The following SHROOM3 variants were observed in gnomAD, a reference collection of about 807,000 sequenced individuals.
SHROOM3 encodes the protein shroom family member 3.
Under a neutral mutation model 138.6 loss-of-function variants are expected in SHROOM3, and 47 were observed. The ratio of observed to expected loss-of-function variants is 0.34; its 90% CI spans 0.27 to 0.43. The LOEUF is 0.43. Among genes scored for constraint, SHROOM3 ranks in the 20% least tolerant of loss-of-function variants. The pLI is 1.00. For missense variants in SHROOM3, 2,491 were observed against 2,596.5 expected (o/e 0.96, Z 0.88); for synonymous variants, 1,062 against 1,063.3 (o/e 1.00, Z 0.02).
At chr4:76,688,252 T>A (rs1466984647) in intron 2 of SHROOM3, 1 of 305,216 alleles carries the variant, frequency 3.3e-6, no homozygotes, top group Non-Finnish European at 4.8e-6. Context: ...AGGAGGATAA[T>A]ACTTTATGGC....
At chr4:76,586,561 G>C in intron 2 of SHROOM3, 9 of 855,346 alleles carry the variant, frequency 1.1e-5, no homozygotes, top group Non-Finnish European at 1.3e-5. Flanking sequence ...AAACTAAAGA[G>C]AGGTAGGGAA....
At chr4:76,551,277 T>C (rs1228017761) in intron 1 of SHROOM3, among the ~76,000 whole-genome samples, 2 of 152,210 alleles carry the variant, frequency 1.3e-5, no homozygotes, top group African/African-American at 4.8e-5. Context: ...AAACTCTTTA[T>C]GACAGTCTTC....
Position 76,555,760 on chromosome 4 carries a change from G to C in SHROOM3, c.320G>C (p.Arg107Pro). 1 of 1,612,326 alleles carries C rather than the reference G, an allele frequency of 6.2e-7. No homozygotes were observed. ...GSYKTLRLVV[R>P]RDVCTDPGHA... ...TACAAGACCCTCAGGCTGGTAGTGC[G>C]CAGGTAGGTGGCAGACCCCCACCCT... is the stretch of plus-strand genomic sequence containing the variant. Residue 107 changes from arginine (R) to proline (P), a missense_variant, in exon 2 of 11, where the codon CGC (arginine) becomes CCC (proline). This residue lies in a region of SHROOM3 where 284 missense variants were observed against 322.8 expected (regional missense o/e 0.88). Coordinates refer to ENST00000296043, the MANE Select transcript of SHROOM3 (RefSeq NM_020859.4).
chr4:76,728,050 T>C (rs1720763292), intron 3 of SHROOM3, among the ~76,000 whole-genome samples: 3 of 151,626 alleles, frequency 2.0e-5, no homozygotes, highest in Admixed American at 2.0e-4. Flanking sequence ...CGTGTGCCTG[T>C]AGTCCCAGCC....
intron 1 of SHROOM3, among the ~76,000 whole-genome samples, chr4:76,448,608 C>T (rs1456693364): frequency 1.3e-5 from 2 of 152,200 alleles, no homozygotes; most frequent in East Asian, 3.8e-4. Context: ...ACTCCAGTTG[C>T]CCACAGTTGT....
Position 76,754,776 on chromosome 4 carries a change from A to G in SHROOM3, c.4293A>G (p.Ala1431=). 3 of 1,614,162 alleles carry G rather than the reference A, an allele frequency of 1.9e-6. No homozygotes were observed. The highest frequency in any genetic ancestry group is 1.7e-6 in the Non-Finnish European group (2 of 1,180,014). Residue 1431 remains alanine (A), a synonymous_variant, in exon 7 of 11, where the codon GCA becomes GCG. Coordinates refer to ENST00000296043, the MANE Select transcript of SHROOM3 (RefSeq NM_020859.4). ...CTCAGTGGCCACCTCCTTCTCGAGCAAAGTGGGCCCACGCAGCCAGAGAGG... is the reference window on the plus strand; with the variant it reads ...CTCAGTGGCCACCTCCTTCTCGAGCGAAGTGGGCCCACGCAGCCAGAGAGG... ...SLPQWPPPSR[A]KWAHAAREDS... is the part of the protein sequence containing the mutation.
At chr4:76,523,693 C>T (rs187220498) in intron 1 of SHROOM3, among the ~76,000 whole-genome samples, 1 of 152,312 alleles carries the variant, frequency 6.6e-6, no homozygotes, top group African/African-American at 2.4e-5. Context: ...CCTGCAGGAA[C>T]AGGGAAGACA....
intron 9 of SHROOM3, among the ~76,000 whole-genome samples, chr4:76,770,063 C>T (rs1232771423): frequency 6.6e-6 from 1 of 152,048 alleles, no homozygotes; most frequent in Non-Finnish European, 1.5e-5. Flanking sequence ...TGGCTTATGC[C>T]TATAATCCCA....
intron 1 of SHROOM3, among the ~76,000 whole-genome samples, chr4:76,521,217 T>A (rs1732556925): frequency 6.6e-6 from 1 of 152,222 alleles, no homozygotes; most frequent in African/African-American, 2.4e-5. Context: ...GACAGAAATC[T>A]ATTTACAGTC....
At chr4:76,528,457 C>T (rs1198400703) in intron 1 of SHROOM3, among the ~76,000 whole-genome samples, 1 of 149,550 alleles carries the variant, frequency 6.7e-6, no homozygotes, top group Non-Finnish European at 1.5e-5. Context: ...TAGCTTGGGA[C>T]TATAGGCTTG....
rs148876084 is a variant in SHROOM3 at position 76,536,576 on chromosome 4, T to C, written c.169-19033T>C. Reference sequence around the variant, plus strand: ...AGAGGTTTATACAAGATCATAACTTTAATCCCTCCATGCCCCTGTTGTCTT... The same window carrying C: ...AGAGGTTTATACAAGATCATAACTTCAATCCCTCCATGCCCCTGTTGTCTT... On this transcript the variant is annotated intron_variant, in intron 1 of 10. Coordinates refer to ENST00000296043, the MANE Select transcript of SHROOM3 (RefSeq NM_020859.4). Among the ~76,000 whole-genome samples, 520 of 152,312 alleles carry C rather than the reference T, an allele frequency of 3.4e-3. 4 individuals carry two copies. The highest frequency in any genetic ancestry group is 0.012 in the African/African-American group (492 of 41,572).
chr4:76,555,790 C>T (rs1255003572), intron 2 of SHROOM3, 27 bp downstream of exon 2: 1 of 1,605,956 alleles, frequency 6.2e-7, no homozygotes, highest in East Asian at 2.2e-5. Flanking sequence ...CACCCTGTCC[C>T]TCCTACCACC....
rs1257691304 is a variant in SHROOM3 at position 76,468,312 on chromosome 4, A to G, written c.168+32092A>G. Among the ~76,000 whole-genome samples, 4 of 152,222 alleles carry G rather than the reference A, an allele frequency of 2.6e-5. No homozygotes were observed. The East Asian group carries it at 7.7e-4, about 29-fold the overall frequency. On this transcript the variant is annotated intron_variant, in intron 1 of 10. Coordinates refer to ENST00000296043, the MANE Select transcript of SHROOM3 (RefSeq NM_020859.4). ...GTATCTGTTGGAATTACAAATTCACATTTTCTTTAACCCAACAAGACCACT... is the reference window on the plus strand; with the variant it reads ...GTATCTGTTGGAATTACAAATTCACGTTTTCTTTAACCCAACAAGACCACT...
At chr4:76,542,659 G>A (rs1733131049) in intron 1 of SHROOM3, among the ~76,000 whole-genome samples, 1 of 152,322 alleles carries the variant, frequency 6.6e-6, no homozygotes, top group South Asian at 2.1e-4. Flanking sequence ...TTCTACCCTG[G>A]AATCTCCAGA....
intron 1 of SHROOM3, 21 bp from the exon 2 acceptor site, chr4:76,555,588 C>T (rs1457988597): frequency 6.2e-6 from 10 of 1,612,418 alleles, no homozygotes; most frequent in East Asian, 2.2e-5. Flanking sequence ...TCGTGGCTGT[C>T]GCATCTCTCC....
At position 76,754,598 on chromosome 4, in the gene SHROOM3, A is replaced by G. The variant is rs780733811; in HGVS notation, c.4115A>G (p.Gln1372Arg). Reference protein sequence around the residue: ...IPSGYCSQDGQTGRQPLPPYT... With the variant: ...IPSGYCSQDGRTGRQPLPPYT... The stretch of plus-strand genomic sequence containing the variant: ...TCTGGCTACTGCTCACAGGACGGTC[A>G]GACAGGGCGACAGCCTCTCCCGCCC... The change falls in exon 7 of 11, where the codon CAG becomes CGG. Residue 1372 changes from glutamine (Q) to arginine (R), a missense_variant. Physicochemically the swap from Gln to Arg is conservative, Grantham distance 43. Transcript: ENST00000296043. The G allele has an allele frequency of 6.2e-7, 1 of 1,614,158 alleles. No homozygotes were observed. The highest frequency in any genetic ancestry group is 1.7e-5 in the Admixed American group (1 of 60,024).
intron 2 of SHROOM3, among the ~76,000 whole-genome samples, chr4:76,618,918 C>G (rs1201309444): frequency 1.3e-5 from 2 of 152,084 alleles, no homozygotes; most frequent in African/African-American, 2.4e-5. Context: ...ACTCTGTTGC[C>G]CAGGCTGCAA....
intron 2 of SHROOM3, among the ~76,000 whole-genome samples, chr4:76,588,321 A>C (rs1577903123): frequency 6.6e-6 from 1 of 152,162 alleles, no homozygotes; most frequent in African/African-American, 2.4e-5. Flanking sequence ...GGGCAAGGGG[A>C]TTAAGTATCT....
Position 76,740,022 on chromosome 4 carries a change from A to G in SHROOM3, c.1849A>G (p.Lys617Glu). Residue 617 changes from lysine (K) to glutamate (E), a missense_variant, in exon 5 of 11, where the codon AAG becomes GAG. Around this residue, in one of 4 missense-constraint regions of SHROOM3, gnomAD observed 1,733 missense variants for 1,661.6 expected, o/e 1.04. Coordinates refer to ENST00000296043, the MANE Select transcript of SHROOM3 (RefSeq NM_020859.4). This position sits in a 1 kb window ranked among gnomAD's most constrained non-coding sequence, Gnocchi z 4.0. The part of the protein sequence containing the change: ...QAQAWQAGED[K>E]RSSRLSEPWE... Reference sequence around the variant, plus strand: ...TCAGGCCTGGCAAGCGGGTGAAGACAAGAGATCTTCCAGGCTCTCAGAGCC... The same window carrying G: ...TCAGGCCTGGCAAGCGGGTGAAGACGAGAGATCTTCCAGGCTCTCAGAGCC... 6.2e-7 allele frequency: 1 copy of G among 1,613,950 alleles called. No homozygotes were observed. Among genetic ancestry groups the G allele is most frequent in the Non-Finnish European group, 8.5e-7 (1 of 1,180,030 alleles).
Sources: allele counts gnomAD v4.1 joint callset (sites outside exome capture counted in the v4.1 genomes callset), GRCh38; gene constraint gnomAD v4.1.1; regional missense constraint gnomAD v4.1.1; non-coding constraint Gnocchi (gnomAD v3.1); transcripts MANE v1.5; gene names NCBI Gene and HGNC (gene_info 2026-07-23, HGNC 2026-07-21).